Variants in TRMT61B observed in about 807,000 individuals in gnomAD.
TRMT61B encodes tRNA (adenine(58)-N(1))-methyltransferase, mitochondrial.
TRMT61B carries 56 observed loss-of-function variants against 52.0 expected under a neutral mutation model. That is an observed-to-expected ratio of 1.08 (90% CI 0.87 to 1.35). TRMT61B has a LOEUF of 1.35. Ranked by LOEUF, TRMT61B falls within the 40% of genes most tolerant of loss-of-function variation. The probability of loss-of-function intolerance (pLI) is 0.00; values close to 1 mark genes in which losing one functional copy is unlikely to be tolerated. For missense variants in TRMT61B, 650 were observed against 577.9 expected (o/e 1.12, Z -1.28); for synonymous variants, 206 against 220.0 (o/e 0.94, Z 0.56).
chr2:28,869,960 G>A lies in TRMT61B; in HGVS notation c.318C>T (p.Ser106=). The A allele has an allele frequency of 6.2e-7, 1 of 1,613,742 alleles. No homozygotes were observed. Among genetic ancestry groups the A allele is most frequent in the East Asian group, 2.2e-5 (1 of 44,848 alleles). ...TGGGACCGCACCGGCCCTGGTCTCC[G>A]CTCGAGTCCTCGAGCTCTCGAGGGG... ...ESSPRELEDS[S]GDQGRCGPTH... Residue 106 remains serine (S), a synonymous_variant, in exon 1 of 7, where the codon AGC becomes AGT. Coordinates refer to ENST00000306108, the MANE Select transcript of TRMT61B (RefSeq NM_017910.4).
intron 2 of TRMT61B, among the ~76,000 whole-genome samples, chr2:28,864,406 T>C (rs1482318448): frequency 6.6e-6 from 1 of 152,106 alleles, no homozygotes; most frequent in Non-Finnish European, 1.5e-5. Context: ...AAATAGAGAG[T>C]ATTATACAGC....
chr2:28,850,035 C>T lies in TRMT61B; in HGVS notation c.*164G>A. ...AAAATGGGATGTTTAAGCAGTTTTGCTATGTTATACATCTTTTAGTTGTTA... is the reference window on the plus strand; with the variant it reads ...AAAATGGGATGTTTAAGCAGTTTTGTTATGTTATACATCTTTTAGTTGTTA... On this transcript the variant is annotated 3_prime_UTR_variant, in exon 7 of 7. Coordinates refer to ENST00000306108, the MANE Select transcript of TRMT61B (RefSeq NM_017910.4). 8.4e-7 allele frequency: 1 copy of T among 1,185,848 alleles called. No homozygotes were observed. The highest frequency in any genetic ancestry group is 2.3e-5 in the Admixed American group (1 of 43,604). The allele number at this position is 1,185,848 out of a possible 1,614,324, so 73.5% of individuals were successfully genotyped here. A position where few individuals can be genotyped will look rare whatever the true frequency, so the allele number is the denominator to read the frequency against.
In TRMT61B at chr2:28,865,672, CTTTTTTTT is replaced by C. The variant is rs70958219; in HGVS notation, c.700-561_700-554del. 6.2e-5 allele frequency among the ~76,000 whole-genome samples: 5 copies of C among 80,076 alleles called. No individual in the cohort carries two copies. In the East Asian group the frequency reaches 1.2e-3, roughly 19 times the overall value. 52.5% of individuals were successfully genotyped at this position (80,076 alleles called of 152,430 possible). A position where few individuals can be genotyped will look rare whatever the true frequency, so the allele number is the denominator to read the frequency against. ...ATCTCTGCATAAAATGATGAATTTC[CTTTTTTTT>C]TTTTTTTTTTTTTTTGGGAGACGAA... On this transcript the variant is annotated intron_variant, in intron 1 of 6. Transcript: ENST00000306108.
At chr2:28,853,851 A>C (rs1669228347) in intron 3 of TRMT61B, among the ~76,000 whole-genome samples, 1 of 151,750 alleles carries the variant, frequency 6.6e-6, no homozygotes, top group South Asian at 2.1e-4. Flanking sequence ...AAAAAATCAT[A>C]TCCCTTATTT....
chr2:28,864,448 ATGAG>A (rs768075654), intron 2 of TRMT61B, among the ~76,000 whole-genome samples: 5 of 152,244 alleles, frequency 3.3e-5, no homozygotes, highest in Non-Finnish European at 7.3e-5. Context: ...GCTGCATGCA[ATGAG>A]TGAATCTCAC....
In TRMT61B at chr2:28,865,842, G is replaced by A. The variant is rs569037296; in HGVS notation, c.700-723C>T. On this transcript the variant is annotated intron_variant, in intron 1 of 6. Transcript: ENST00000306108. ...ATTACAGGTGCCTGCCACCATGCCCGGCTAATTTTTGTATTTTTAGTGGAG... is the reference window on the plus strand; with the variant it reads ...ATTACAGGTGCCTGCCACCATGCCCAGCTAATTTTTGTATTTTTAGTGGAG... 3.1e-3 allele frequency among the ~76,000 whole-genome samples: 456 copies of A among 147,508 alleles called. 3 individuals are homozygous for A. Among genetic ancestry groups the A allele is most frequent in the African/African-American group, 0.011 (428 of 39,776 alleles).
Position 28,869,966 on chromosome 2 carries a change from G to A in TRMT61B, c.312C>T (p.Asp104=), listed in dbSNP as rs758028448. The change falls in exon 1 of 7, where the codon GAC becomes GAT. Residue 104 remains aspartate, a synonymous_variant. Transcript: ENST00000306108. Reference sequence around the variant, plus strand: ...CGCACCGGCCCTGGTCTCCGCTCGAGTCCTCGAGCTCTCGAGGGGATGACT... The same window carrying A: ...CGCACCGGCCCTGGTCTCCGCTCGAATCCTCGAGCTCTCGAGGGGATGACT... ...REESSPRELE[D]SSGDQGRCGP... 6.2e-7 allele frequency: 1 copy of A among 1,613,656 alleles called. No homozygotes were observed. The highest frequency in any genetic ancestry group is 8.5e-7 in the Non-Finnish European group (1 of 1,179,998).
intron 3 of TRMT61B, among the ~76,000 whole-genome samples, chr2:28,853,940 A>C (rs77550264): frequency 0.029 from 4,469 of 152,320 alleles, 229 homozygotes; most frequent in African/African-American, 0.1. Context: ...ATAAGTGAAA[A>C]TTTTTCAAAT....
In TRMT61B at chr2:28,865,097, A is replaced by C. The variant is rs898943445; in HGVS notation, c.722T>G (p.Met241Arg). 3.1e-6 allele frequency: 5 copies of C among 1,609,076 alleles called. No individual in the cohort carries two copies. Among genetic ancestry groups the C allele is most frequent in the Non-Finnish European group, 3.4e-6 (4 of 1,175,834 alleles). Residue 241 changes from methionine (M) to arginine (R), a missense_variant, in exon 2 of 7, where the codon ATG becomes AGG. Coordinates refer to ENST00000306108, the MANE Select transcript of TRMT61B (RefSeq NM_017910.4). ...AGTATCACCTGGGTTGATATCCATC[A>C]TTGAGAGAATCATATTAATATCCTA... ...FPKDINMILSMMDINPGDTVL... is the reference protein window; with the variant it reads ...FPKDINMILSRMDINPGDTVL...
intron 3 of TRMT61B, among the ~76,000 whole-genome samples, chr2:28,857,357 C>G (rs767520387): frequency 1.3e-5 from 2 of 151,960 alleles, no homozygotes; most frequent in African/African-American, 4.8e-5. Flanking sequence ...TTAATAAATG[C>G]CTGTTGACTC....
At chr2:28,867,587 A>T (rs1243645986) in intron 1 of TRMT61B, among the ~76,000 whole-genome samples, 1 of 152,228 alleles carries the variant, frequency 6.6e-6, no homozygotes, top group Non-Finnish European at 1.5e-5. Context: ...ATTCCTCCTT[A>T]GAGTGGAACA....
Position 28,869,581 on chromosome 2 carries a change from T to C in TRMT61B, c.697A>G (p.Lys233Glu), listed in dbSNP as rs780071976. The C allele has an allele frequency of 7.5e-6, 12 of 1,606,616 alleles. No individual in the cohort carries two copies. The Admixed American group carries it at 2.0e-4, about 27-fold the overall frequency. Reference protein sequence around the residue: ...MKRGTAITFPKDINMILSMMD... With the variant: ...MKRGTAITFPEDINMILSMMD... Reference sequence around the variant, plus strand: ...ACACCTTATCTCCATCGCATTACCTTTGGGAATGTTATGGCAGTCCCTCTT... The same window carrying C: ...ACACCTTATCTCCATCGCATTACCTCTGGGAATGTTATGGCAGTCCCTCTT... Residue 233 changes from lysine to glutamate, a missense_variant and splice_region_variant, in exon 1 of 7, where the codon AAG (lysine) becomes GAG (glutamate). Lys to Glu is a moderately conservative substitution (Grantham distance 56, BLOSUM62 1). Transcript: ENST00000306108.
chr2:28,864,996 C>G (rs767100225), intron 2 of TRMT61B, 21 bp downstream of exon 2: 15 of 1,406,620 alleles, frequency 1.1e-5, no homozygotes, highest in African/African-American at 1.4e-5. Flanking sequence ...TACTGAGATC[C>G]AGCTCAGTCC....
chr2:28,864,555 G>C (rs1331095922), intron 2 of TRMT61B, among the ~76,000 whole-genome samples: 2 of 152,104 alleles, frequency 1.3e-5, no homozygotes, highest in Non-Finnish European at 2.9e-5. Flanking sequence ...AAACTAATCA[G>C]TGATGATAAA....
At chr2:28,860,215 T>C (rs990043906) in intron 3 of TRMT61B, among the ~76,000 whole-genome samples, 1 of 123,654 alleles carries the variant, frequency 8.1e-6, no homozygotes, top group Non-Finnish European at 1.6e-5. Context: ...GAGGTTGCAG[T>C]GAGCTGAGAC....
At chr2:28,852,249 G>C (rs1229948047) in intron 4 of TRMT61B, among the ~76,000 whole-genome samples, 159 bp downstream of exon 4, 2 of 146,916 alleles carry the variant, frequency 1.4e-5, no homozygotes, top group African/African-American at 5.0e-5. Flanking sequence ...GGAGGTGGAG[G>C]TTGCAGTGAG....
intron 5 of TRMT61B, 146 bp downstream of exon 5, chr2:28,850,926 T>G (rs1669066029): frequency 1.9e-6 from 1 of 519,106 alleles, no homozygotes; most frequent in East Asian, 3.3e-5. Flanking sequence ...AAGTCATTAT[T>G]CTGTGCCTTA....
chr2:28,861,275 A>G lies in TRMT61B; in HGVS notation c.836T>C (p.Val279Ala). Residue 279 changes from valine (V) to alanine (A), a missense_variant, in exon 3 of 7, where the codon GTA (valine) becomes GCA (alanine). Val to Ala is a moderately conservative substitution (Grantham distance 64). Transcript: ENST00000306108. Reference sequence around the variant, plus strand: ...AGCCAGATCATGGTGGTCTTTTCGTACCTCAAAACTTATGACTCGTCCTTG... The same window carrying G: ...AGCCAGATCATGGTGGTCTTTTCGTGCCTCAAAACTTATGACTCGTCCTTG... ...GSQGRVISFE[V>A]RKDHHDLAKK... 1 of 1,603,792 alleles carries G rather than the reference A, an allele frequency of 6.2e-7. No individual in the cohort carries two copies. Among genetic ancestry groups the G allele is most frequent in the Non-Finnish European group, 8.5e-7 (1 of 1,177,216 alleles).
chr2:28,853,535 C>T (rs750067050), intron 3 of TRMT61B, among the ~76,000 whole-genome samples: 6 of 152,120 alleles, frequency 3.9e-5, no homozygotes, highest in Non-Finnish European at 7.4e-5. Context: ...TCAGCTTTGG[C>T]AACAGAAATT....
Sources: allele counts gnomAD v4.1 joint callset (sites outside exome capture counted in the v4.1 genomes callset), GRCh38; gene constraint gnomAD v4.1.1; transcripts MANE v1.5; gene names NCBI Gene and HGNC (gene_info 2026-07-23, HGNC 2026-07-21).